The following KCNC2 variants were observed in gnomAD, a reference collection of about 807,000 sequenced individuals.
KCNC2 encodes the protein voltage-gated potassium channel KCNC2.
Under a neutral mutation model 44.5 loss-of-function variants are expected in KCNC2, and 21 were observed. The ratio of observed to expected loss-of-function variants is 0.47; its 90% CI spans 0.33 to 0.68. KCNC2 has a LOEUF of 0.68. Among genes scored for constraint, KCNC2 ranks in the 30% least tolerant of loss-of-function variants. KCNC2 has a pLI of 0.01. For synonymous variants in KCNC2, 391 were observed against 339.1 expected (o/e 1.15, Z -1.68); for missense variants, 589 against 826.2 (o/e 0.71, Z 3.52).
At chr12:75,205,345 C>A (rs2031599455) in intron 2 of KCNC2, among the ~76,000 whole-genome samples, 1 of 150,010 alleles carries the variant, frequency 6.7e-6, no homozygotes, top group Non-Finnish European at 1.5e-5. Flanking sequence ...TTAGCTGATT[C>A]TGCTTCTACT....
At chr12:75,128,872 C>T (rs905085279) in intron 2 of KCNC2, among the ~76,000 whole-genome samples, 1 of 152,178 alleles carries the variant, frequency 6.6e-6, no homozygotes, top group Non-Finnish European at 1.5e-5. Flanking sequence ...CTCTCACATG[C>T]TAATCAGATG....
intron 2 of KCNC2, among the ~76,000 whole-genome samples, chr12:75,156,008 C>T (rs550241755): frequency 3.8e-4 from 57 of 151,938 alleles, no homozygotes; most frequent in Non-Finnish European, 6.6e-4. Flanking sequence ...TGGAGTTGGG[C>T]TTCATTGTTT....
Position 75,050,862 on chromosome 12 carries a change from T to C in KCNC2, c.1143A>G (p.Glu381=). Reference sequence around the variant, plus strand: ...CCAGGAAAATTATCAGCAGCAAAAATTCATTAGTACTAGCTCGAAGAGTAT... The same window carrying C: ...CCAGGAAAATTATCAGCAGCAAAAACTCATTAGTACTAGCTCGAAGAGTAT... ...LGHTLRASTN[E]FLLLIIFLAL... Residue 381 remains glutamate, a synonymous_variant, in exon 3 of 5, where the codon GAA becomes GAG. Transcript: ENST00000549446. The C allele has an allele frequency of 6.2e-7, 1 of 1,613,048 alleles. No individual in the cohort carries two copies. Among genetic ancestry groups the C allele is most frequent in the Non-Finnish European group, 8.5e-7 (1 of 1,179,734 alleles).
At chr12:75,105,253 T>C (rs917066136) in intron 2 of KCNC2, among the ~76,000 whole-genome samples, 3 of 151,522 alleles carry the variant, frequency 2.0e-5, no homozygotes, top group Admixed American at 6.6e-5. Flanking sequence ...GGGAAAAGAG[T>C]AACTCTAGCA....
intron 2 of KCNC2, among the ~76,000 whole-genome samples, chr12:75,182,068 G>T (rs1892621996): frequency 6.6e-6 from 1 of 151,092 alleles, no homozygotes; most frequent in Non-Finnish European, 1.5e-5. Flanking sequence ...AGGGAAAGGT[G>T]CATGTCCAGA....
intron 2 of KCNC2, among the ~76,000 whole-genome samples, chr12:75,095,393 G>T (rs1225163155): frequency 6.6e-6 from 1 of 151,666 alleles, no homozygotes. Flanking sequence ...TTTAATAGAA[G>T]CCCCACATTT....
At chr12:75,130,690 G>T (rs2137338478) in intron 2 of KCNC2, among the ~76,000 whole-genome samples, 1 of 151,932 alleles carries the variant, frequency 6.6e-6, no homozygotes, top group African/African-American at 2.4e-5. Context: ...ATCCGTATTT[G>T]TGAGGACAAG....
At chr12:75,182,279 CT>C (rs1299069707) in intron 2 of KCNC2, among the ~76,000 whole-genome samples, 1 of 151,590 alleles carries the variant, frequency 6.6e-6, no homozygotes, top group African/African-American at 2.4e-5. Context: ...TAATCCAGCA[CT>C]TTGGGAGGCC....
At chr12:75,053,454 A>G (rs1881405633) in intron 2 of KCNC2, among the ~76,000 whole-genome samples, 1 of 152,106 alleles carries the variant, frequency 6.6e-6, no homozygotes, top group Admixed American at 6.6e-5. Context: ...GTGCATAAAT[A>G]AAACATGTGA....
intron 2 of KCNC2, among the ~76,000 whole-genome samples, chr12:75,110,368 G>C (rs543639526): frequency 1.3e-3 from 198 of 152,264 alleles, no homozygotes; most frequent in African/African-American, 4.6e-3. Flanking sequence ...CTAAGAGATA[G>C]AAGCTAATAT....
At chr12:75,129,491 A>G (rs1341345973) in intron 2 of KCNC2, among the ~76,000 whole-genome samples, 2 of 152,086 alleles carry the variant, frequency 1.3e-5, no homozygotes, top group Admixed American at 1.3e-4. Flanking sequence ...TAACTTCCTT[A>G]AAGGTAGGGC....
intron 2 of KCNC2, among the ~76,000 whole-genome samples, chr12:75,192,551 G>A (rs558046577): frequency 6.6e-6 from 1 of 152,142 alleles, no homozygotes; most frequent in African/African-American, 2.4e-5. Context: ...TGTCACCGTC[G>A]TCCGAGTGAT....
chr12:75,040,937 C>T lies in KCNC2; in HGVS notation c.*2168G>A. ...AAATGGCCAAGACTGTTGACCCATGCACACATGTTGGTATTTACAGTTGTT... is the reference window on the plus strand; with the variant it reads ...AAATGGCCAAGACTGTTGACCCATGTACACATGTTGGTATTTACAGTTGTT... On this transcript the variant is annotated 3_prime_UTR_variant, in exon 5 of 5. Transcript: ENST00000549446. 1 of 603,592 alleles carries T rather than the reference C, an allele frequency of 1.7e-6. No individual in the cohort carries two copies. Among genetic ancestry groups the T allele is most frequent in the Non-Finnish European group, 3.0e-6 (1 of 338,352 alleles). 37.4% of individuals were successfully genotyped at this position (603,592 alleles called of 1,614,324 possible).
intron 2 of KCNC2, among the ~76,000 whole-genome samples, chr12:75,077,911 A>G (rs541083132): frequency 6.6e-6 from 1 of 150,856 alleles, no homozygotes; most frequent in East Asian, 1.9e-4. Context: ...AGTGGTATTG[A>G]AAAAAAACCC....
intron 2 of KCNC2, 123 bp from the exon 3 acceptor site, chr12:75,051,440 T>A (rs1398109532): frequency 1.6e-6 from 1 of 618,262 alleles, no homozygotes; most frequent in Non-Finnish European, 2.8e-6. Context: ...GAGGTTTCAC[T>A]TGGATATGAC....
Position 75,043,098 on chromosome 12 carries a change from G to T in KCNC2, c.*7C>A, listed in dbSNP as rs201920318. ...TTTAGCCGACTGATGCAGTTTGGTT[G>T]TTTGGTTTACAAGATAGATGGGATG... On this transcript the variant is annotated 3_prime_UTR_variant, in exon 5 of 5. Transcript: ENST00000549446. 1 of 1,611,212 alleles carries T rather than the reference G, an allele frequency of 6.2e-7. No homozygotes were observed. Among genetic ancestry groups the T allele is most frequent in the Non-Finnish European group, 8.5e-7 (1 of 1,178,502 alleles).
chr12:75,079,698 C>T (rs1188655890), intron 2 of KCNC2, among the ~76,000 whole-genome samples: 5 of 152,092 alleles, frequency 3.3e-5, no homozygotes, highest in African/African-American at 1.2e-4. Flanking sequence ...GATACCAAAA[C>T]CTTGGATATA....
chr12:75,167,460 A>G (rs910783877), intron 2 of KCNC2, among the ~76,000 whole-genome samples: 8 of 151,444 alleles, frequency 5.3e-5, no homozygotes, highest in Admixed American at 1.3e-4. Flanking sequence ...AGTAATAATT[A>G]CAAGGTAGGA....
At chr12:75,187,824 C>G (rs1262693568) in intron 2 of KCNC2, among the ~76,000 whole-genome samples, 1 of 152,052 alleles carries the variant, frequency 6.6e-6, no homozygotes, top group African/African-American at 2.4e-5. Context: ...TAAAAATACA[C>G]CTGTAACAAA....
Sources: gnomAD v4.1 joint callset for allele counts (sites outside exome capture counted in the v4.1 genomes callset) on GRCh38, gnomAD v4.1.1 for gene constraint, MANE v1.5 for transcripts, NCBI Gene and HGNC (gene_info 2026-07-23, HGNC 2026-07-21) for gene names.